WNK1: variants seen among roughly 807,000 people sequenced by gnomAD.
WNK1 encodes serine/threonine-protein kinase WNK1.
In WNK1, 38 loss-of-function variants were observed where a neutral mutation model predicts 222.8. The observed-to-expected ratio is 0.17, with a 90% CI of 0.13 to 0.22. The LOEUF (loss-of-function observed/expected upper bound fraction) is 0.22. WNK1 is among the 10% of genes least tolerant of loss of function. The probability of loss-of-function intolerance (pLI) is 1.00; values close to 1 mark genes in which losing one functional copy is unlikely to be tolerated. For synonymous variants in WNK1, 1,090 were observed against 1,092.9 expected (o/e 1.00, Z 0.05); for missense variants, 2,348 against 2,918.4 (o/e 0.80, Z 4.50).
At chr12:758,534 C>T (rs1940552673) in intron 1 of WNK1, among the ~76,000 whole-genome samples, 1 of 143,646 alleles carries the variant, frequency 7.0e-6, no homozygotes, top group East Asian at 2.0e-4. Context: ...ACTACAGGCG[C>T]CCGCCACCGT....
intron 9 of WNK1, among the ~76,000 whole-genome samples, chr12:876,774 A>G (rs1010015040): frequency 1.3e-5 from 2 of 152,196 alleles, no homozygotes; most frequent in African/African-American, 2.4e-5. Context: ...GTAGTATGCT[A>G]TAGAACACTA....
chr12:904,535 G>A (rs1955540965), intron 26 of WNK1: 1 of 1,276,312 alleles, frequency 7.8e-7, no homozygotes, highest in Non-Finnish European at 1.0e-6. Context: ...TGATTGCAAA[G>A]CCTGTTAACC....
intron 2 of WNK1, 48 bp downstream of exon 2, chr12:813,862 T>C: frequency 3.8e-6 from 6 of 1,569,962 alleles, no homozygotes; most frequent in Non-Finnish European, 4.4e-6. Context: ...ATGAGAGAAT[T>C]TGATTTTTTA....
Position 867,659 on chromosome 12 carries a change from G to A in WNK1, c.2140-3606G>A, listed in dbSNP as rs1166088934. 13 of 583,856 alleles carry A rather than the reference G, an allele frequency of 2.2e-5. No homozygotes were observed. The East Asian group carries it at 3.5e-4, about 16-fold the overall frequency. The allele number at this position is 583,856 out of a possible 1,614,324, so 36.2% of individuals were successfully genotyped here. A position where few individuals can be genotyped will look rare whatever the true frequency, so the allele number is the denominator to read the frequency against. On this transcript the variant is annotated intron_variant, in intron 8 of 27. Coordinates refer to ENST00000315939, the MANE Select transcript of WNK1 (RefSeq NM_018979.4). ...AAAAGCAGCTCTTATCTAAAGCAAA[G>A]AGCCCACAGATTGATTTCATTGGCC...
chr12:847,966 C>T (rs1950143756), intron 4 of WNK1, among the ~76,000 whole-genome samples: 1 of 151,884 alleles, frequency 6.6e-6, no homozygotes, highest in South Asian at 2.1e-4. Context: ...TGCCAACATG[C>T]CCAGCTAATG....
At chr12:906,267 G>T in intron 26 of WNK1, 1 of 968,166 alleles carries the variant, frequency 1.0e-6, no homozygotes, top group Non-Finnish European at 1.2e-6. Context: ...ACAAGACCAT[G>T]ACTCTTCTTT....
intron 8 of WNK1, chr12:868,229 C>T (rs372885312): frequency 6.2e-7 from 1 of 1,608,196 alleles, no homozygotes; most frequent in East Asian, 2.2e-5. Context: ...TAGACCTGGA[C>T]TAGTACTTCC....
chr12:896,848 G>T, intron 24 of WNK1, 116 bp downstream of exon 24: 1 of 1,185,274 alleles, frequency 8.4e-7, no homozygotes, highest in Non-Finnish European at 1.2e-6. Context: ...TTCTTTTAAA[G>T]AGACAGTGCC....
At chr12:847,263 C>T (rs995780493) in intron 4 of WNK1, among the ~76,000 whole-genome samples, 3 of 152,172 alleles carry the variant, frequency 2.0e-5, no homozygotes, top group Non-Finnish European at 2.9e-5. Flanking sequence ...GATTGTTTTC[C>T]ATATTTAAAT....
intron 1 of WNK1, among the ~76,000 whole-genome samples, chr12:791,000 A>C (rs1227064252): frequency 6.6e-6 from 1 of 152,148 alleles, no homozygotes; most frequent in Non-Finnish European, 1.5e-5. Flanking sequence ...AAAATAAGGG[A>C]AATGTGCTAT....
chr12:888,996 AGTATAGTTTT>A, intron 20 of WNK1, 134 bp from the exon 21 acceptor site: 1 of 737,842 alleles, frequency 1.4e-6, no homozygotes, highest in Non-Finnish European at 2.5e-6. Flanking sequence ...ACTAAATTTG[AGTATAGTTTT>A]GTATGTTCCA....
Position 908,785 on chromosome 12 carries a change from C to G in WNK1, c.7142C>G (p.Thr2381Ser). Residue 2381 changes from threonine to serine, a missense_variant, in exon 28 of 28, where the codon ACC becomes AGC. Physicochemically the swap from Thr to Ser is moderately conservative, Grantham distance 58 (BLOSUM62 1). Around this residue, in one of 13 missense-constraint regions of WNK1, gnomAD observed 76 missense variants for 85.7 expected, o/e 0.89. Coordinates refer to ENST00000315939, the MANE Select transcript of WNK1 (RefSeq NM_018979.4). Reference sequence around the variant, plus strand: ...AACCCCCCAGGCTCCAACCTGCGGACCACTTAGACCTAGAGACATTAACTG... The same window carrying G: ...AACCCCCCAGGCTCCAACCTGCGGAGCACTTAGACCTAGAGACATTAACTG... ...ISNPPGSNLR[T>S]T is the part of the protein sequence containing the mutation. 6.3e-7 allele frequency: 1 copy of G among 1,589,788 alleles called. No individual in the cohort carries two copies. Among genetic ancestry groups the G allele is most frequent in the Non-Finnish European group, 8.6e-7 (1 of 1,164,624 alleles).
At chr12:863,272 G>C (rs970814772) in intron 8 of WNK1, among the ~76,000 whole-genome samples, 2 of 152,014 alleles carry the variant, frequency 1.3e-5, no homozygotes, top group Non-Finnish European at 1.5e-5. Flanking sequence ...CTACAGCTTG[G>C]AATAAAAGAT....
At chr12:816,674 A>G (rs531118618) in intron 2 of WNK1, among the ~76,000 whole-genome samples, 4 of 152,296 alleles carry the variant, frequency 2.6e-5, no homozygotes, top group African/African-American at 9.6e-5. Context: ...CAAACCGAAG[A>G]ACATACATGA....
chr12:880,666 G>C, intron 11 of WNK1, 55 bp from the exon 12 acceptor site: 1 of 1,513,448 alleles, frequency 6.6e-7, no homozygotes, highest in Non-Finnish European at 9.0e-7. Flanking sequence ...TTGCTGTTTT[G>C]CTAATTTATT....
chr12:856,347 A>T (rs1950791848), intron 4 of WNK1, among the ~76,000 whole-genome samples: 1 of 151,690 alleles, frequency 6.6e-6, no homozygotes, highest in African/African-American at 2.4e-5. Context: ...CCGGCTACTC[A>T]GGAGGCTGAG....
chr12:795,916 A>G (rs747345614), intron 1 of WNK1, among the ~76,000 whole-genome samples: 2 of 152,076 alleles, frequency 1.3e-5, no homozygotes, highest in African/African-American at 4.8e-5. Context: ...AGACAGAGTC[A>G]CACTCTGTCA....
intron 2 of WNK1, among the ~76,000 whole-genome samples, chr12:826,273 A>G (rs1017434237): frequency 6.6e-6 from 1 of 152,234 alleles, no homozygotes; most frequent in Non-Finnish European, 1.5e-5. Context: ...ATTTTAGTTA[A>G]TCTACATTTG....
In WNK1 at chr12:908,556, A is replaced by T. The variant is rs755909714; in HGVS notation, c.6913A>T (p.Ile2305Phe). 6.2e-7 allele frequency: 1 copy of T among 1,614,108 alleles called. No homozygotes were observed. The highest frequency in any genetic ancestry group is 1.1e-5 in the South Asian group (1 of 91,074). ...MTSNLGGSAP[I>F]SAASATSLGH... ...CTCGAACCTGGGTGGCTCTGCCCCC[A>T]TCTCTGCAGCATCAGCTACCTCTCT... Residue 2305 changes from isoleucine (I) to phenylalanine (F), a missense_variant, in exon 28 of 28, where the codon ATC becomes TTC. This residue lies in a region of WNK1 where 55 missense variants were observed against 104.1 expected (regional missense o/e 0.53). Coordinates refer to ENST00000315939, the MANE Select transcript of WNK1 (RefSeq NM_018979.4).
Sources: allele counts gnomAD v4.1 joint callset (sites outside exome capture counted in the v4.1 genomes callset), GRCh38; gene constraint gnomAD v4.1.1; regional missense constraint gnomAD v4.1.1; transcripts MANE v1.5; gene names NCBI Gene and HGNC (gene_info 2026-07-23, HGNC 2026-07-21).